Variants in CERS3 observed in about 807,000 individuals in gnomAD.
CERS3 encodes ceramide synthase 3.
In CERS3, 33 loss-of-function variants were observed where a neutral mutation model predicts 50.3. The ratio of observed to expected loss-of-function variants is 0.66; its 90% CI spans 0.50 to 0.88. The LOEUF (loss-of-function observed/expected upper bound fraction) is 0.88. Ranked by LOEUF, CERS3 falls within the 40% of genes least tolerant of loss-of-function variation. CERS3 has a pLI of 0.00. For synonymous variants in CERS3, 176 were observed against 155.2 expected, an observed-to-expected ratio of 1.13 and a Z score of -0.99; for missense variants, 470 against 460.3, an observed-to-expected ratio of 1.02 and a Z score of -0.19.
At chr15:100,504,012 G>A (rs1262479314) in intron 2 of CERS3, among the ~76,000 whole-genome samples, 1 of 152,080 alleles carries the variant, frequency 6.6e-6, no homozygotes, top group Non-Finnish European at 1.5e-5. Context: ...TACAAGAGGG[G>A]AATACTGAAG....
At chr15:100,467,851 A>AGATAGAT (rs1400680568) in intron 10 of CERS3, among the ~76,000 whole-genome samples, 604 of 24,594 alleles carry the variant, frequency 0.025, 10 homozygotes, top group African/African-American at 0.056. Context: ...ATATATATAT[A>AGATAGAT]TAGATAGATA....
chr15:100,464,180 T>C (rs1218486999), intron 10 of CERS3, among the ~76,000 whole-genome samples: 1 of 152,186 alleles, frequency 6.6e-6, no homozygotes, highest in African/African-American at 2.4e-5. Flanking sequence ...CAAGCATATG[T>C]ATCCTTGGAA....
chr15:100,443,327 C>G (rs1207130343), intron 11 of CERS3, among the ~76,000 whole-genome samples: 3 of 151,198 alleles, frequency 2.0e-5, no homozygotes, highest in Non-Finnish European at 2.9e-5. Context: ...TGTTATCACT[C>G]TCCTGCTACA....
At chr15:100,488,070 C>T (rs2654630) in intron 4 of CERS3, among the ~76,000 whole-genome samples, 130,689 of 152,230 alleles carry the variant, frequency 0.86, 57,482 homozygotes, top group East Asian at 0.99. Flanking sequence ...GTTCTTGATA[C>T]GCACACATAC....
At chr15:100,432,959 G>T (rs571331689) in intron 11 of CERS3, among the ~76,000 whole-genome samples, 1 of 152,110 alleles carries the variant, frequency 6.6e-6, no homozygotes, top group Non-Finnish European at 1.5e-5. Flanking sequence ...AGTTCAGGCC[G>T]GGTGCAGTGG....
intron 8 of CERS3, 135 bp downstream of exon 8, chr15:100,475,951 T>C (rs1345895979): frequency 6.8e-6 from 3 of 443,668 alleles, no homozygotes; most frequent in African/African-American, 6.2e-5. Context: ...ATATTTTATG[T>C]ACTATAAAGC....
chr15:100,404,952 A>G (rs1321374630), intron 11 of CERS3, among the ~76,000 whole-genome samples: 3 of 152,230 alleles, frequency 2.0e-5, no homozygotes, highest in African/African-American at 7.2e-5. Flanking sequence ...AATGTCATAC[A>G]TTGTACAAAA....
At chr15:100,415,770 A>G (rs888505027) in intron 11 of CERS3, among the ~76,000 whole-genome samples, 1 of 148,190 alleles carries the variant, frequency 6.7e-6, no homozygotes, top group African/African-American at 2.5e-5. Context: ...GAGGTGAAAA[A>G]CACACACCAG....
At chr15:100,463,386 G>C (rs1352679321) in intron 10 of CERS3, among the ~76,000 whole-genome samples, 2 of 121,604 alleles carry the variant, frequency 1.6e-5, no homozygotes, top group African/African-American at 6.3e-5. Context: ...AGTGAGCTAA[G>C]ATCAGGCCAC....
intron 1 of CERS3, among the ~76,000 whole-genome samples, chr15:100,525,709 T>C (rs1180213284): frequency 1.3e-5 from 2 of 152,256 alleles, no homozygotes; most frequent in Non-Finnish European, 2.9e-5. Flanking sequence ...TTTATTTTAA[T>C]TAGACTTTTA....
At chr15:100,517,446 G>A (rs1329132267) in intron 2 of CERS3, among the ~76,000 whole-genome samples, 4 of 152,120 alleles carry the variant, frequency 2.6e-5, no homozygotes, top group South Asian at 2.1e-4. Context: ...TGTCTTTTGC[G>A]GGGTGATTTC....
At chr15:100,472,074 G>C (rs1199899840) in intron 9 of CERS3, among the ~76,000 whole-genome samples, 6 of 152,180 alleles carry the variant, frequency 3.9e-5, no homozygotes, top group Non-Finnish European at 5.9e-5. Flanking sequence ...AGAAGAATAA[G>C]ATTCTATTAA....
chr15:100,405,233 TAAAAAAAAAAAAAAACAAAAAAAA>T (rs1427754023), intron 11 of CERS3, among the ~76,000 whole-genome samples: 1 of 34,894 alleles, frequency 2.9e-5, no homozygotes, highest in Non-Finnish European at 8.2e-5. Flanking sequence ...AACTCAATGG[TAAAAAAAAAAAAAAACAAAAAAAA>T]ACCCCTAATT....
chr15:100,527,391 G>A (rs1319653049), intron 1 of CERS3, among the ~76,000 whole-genome samples: 2 of 152,246 alleles, frequency 1.3e-5, no homozygotes, highest in Non-Finnish European at 2.9e-5. Context: ...TCTAGTCAAT[G>A]TTCTGTCCAC....
chr15:100,531,431 A>G (rs1268249067), upstream of CERS3, among the ~76,000 whole-genome samples: 3 of 151,894 alleles, frequency 2.0e-5, no homozygotes, highest in Non-Finnish European at 2.9e-5. Flanking sequence ...GGAGTGAGGA[A>G]CTCGGAGGGT....
In CERS3 at chr15:100,443,021, G is replaced by A. The variant is rs919835251; in HGVS notation, c.999+12872C>T. ...ATACTCTTTTAAGCACTCCTTTTTA[G>A]TTATCCCCACCTGCCCAGTTCCCTT... On this transcript the variant is annotated intron_variant, in intron 11 of 11. Transcript: ENST00000679737. 4.5e-4 allele frequency among the ~76,000 whole-genome samples: 68 copies of A among 151,938 alleles called. No individual in the cohort carries two copies. The Middle Eastern group carries it at 0.01, about 23-fold the overall frequency.
chr15:100,471,374 A>G (rs1254848822), intron 9 of CERS3, among the ~76,000 whole-genome samples: 2 of 152,194 alleles, frequency 1.3e-5, no homozygotes, highest in East Asian at 3.9e-4. Flanking sequence ...GATTTGTCCA[A>G]GTTACTTAGG....
chr15:100,435,108 C>A (rs565921119), intron 11 of CERS3, among the ~76,000 whole-genome samples: 1 of 152,336 alleles, frequency 6.6e-6, no homozygotes, highest in Admixed American at 6.5e-5. Flanking sequence ...TCATCTTAAG[C>A]CCTTTCATTT....
intron 7 of CERS3, among the ~76,000 whole-genome samples, chr15:100,477,565 G>T (rs368616483): frequency 5.3e-5 from 8 of 152,158 alleles, no homozygotes; most frequent in Non-Finnish European, 1.2e-4. Context: ...GCACTAGAGC[G>T]AACCTTTTAT....
Sources: allele counts gnomAD v4.1 joint callset (sites outside exome capture counted in the v4.1 genomes callset), GRCh38; gene constraint gnomAD v4.1.1; transcripts MANE v1.5; gene names NCBI Gene and HGNC (gene_info 2026-07-23, HGNC 2026-07-21).